FAM184A: variants seen among roughly 807,000 people sequenced by gnomAD.
FAM184A encodes protein FAM184A.
FAM184A carries 99 observed loss-of-function variants against 143.8 expected under a neutral mutation model. The ratio of observed to expected loss-of-function variants is 0.69; its 90% CI spans 0.58 to 0.81. The LOEUF (loss-of-function observed/expected upper bound fraction) is 0.81, where lower values mean the gene tolerates loss of function less well. Among genes scored for constraint, FAM184A ranks in the 40% least tolerant of loss-of-function variants. The pLI is 0.00. For missense variants in FAM184A, 1,217 were observed against 1,310.5 expected (o/e 0.93, Z 1.10); for synonymous variants, 427 against 446.4 (o/e 0.96, Z 0.55).
At chr6:119,119,541 T>C (rs1454897275) in intron 1 of FAM184A, among the ~76,000 whole-genome samples, 2 of 152,158 alleles carry the variant, frequency 1.3e-5, no homozygotes, top group South Asian at 2.1e-4. Flanking sequence ...GATAATGAGT[T>C]TGTAATAAGA....
intron 9 of FAM184A, among the ~76,000 whole-genome samples, chr6:118,990,993 A>G (rs1416391143): frequency 6.6e-6 from 1 of 152,046 alleles, no homozygotes; most frequent in African/African-American, 2.4e-5. Context: ...AACTTATTCA[A>G]CTATGTATCT....
At chr6:119,068,047 GTTTTTT>G (rs148034802) in intron 1 of FAM184A, among the ~76,000 whole-genome samples, 2 of 112,282 alleles carry the variant, frequency 1.8e-5, no homozygotes, top group Admixed American at 9.4e-5. Flanking sequence ...TTGTGTGTGG[GTTTTTT>G]TTTTTTTTTT....
intron 1 of FAM184A, among the ~76,000 whole-genome samples, chr6:119,109,594 C>A (rs1219294824): frequency 6.6e-6 from 1 of 152,136 alleles, no homozygotes; most frequent in Non-Finnish European, 1.5e-5. Context: ...TGGATGAGGA[C>A]AGGATTATCT....
intron 10 of FAM184A, 33 bp from the exon 11 acceptor site, chr6:118,979,551 G>A (rs1313308944): frequency 1.3e-6 from 2 of 1,508,162 alleles, no homozygotes; most frequent in South Asian, 1.3e-5. Context: ...TATTATGCTA[G>A]AATATAGGAA....
At chr6:119,138,162 T>C (rs562852663) in intron 1 of FAM184A, among the ~76,000 whole-genome samples, 1 of 152,210 alleles carries the variant, frequency 6.6e-6, no homozygotes, top group Non-Finnish European at 1.5e-5. Context: ...GCATGAGGAT[T>C]GGGGGAGTGC....
At chr6:119,125,905 T>C (rs1294752454) in intron 1 of FAM184A, among the ~76,000 whole-genome samples, 1 of 152,218 alleles carries the variant, frequency 6.6e-6, no homozygotes, top group Non-Finnish European at 1.5e-5. Context: ...AGTTTCAGTG[T>C]AGAGGGTCTA....
intron 7 of FAM184A, 48 bp downstream of exon 7, chr6:119,006,399 T>A: frequency 6.3e-7 from 1 of 1,579,212 alleles, no homozygotes; most frequent in Non-Finnish European, 8.6e-7. Context: ...GGCTAAATTC[T>A]ATTTTTATTT....
At chr6:119,100,253 A>G (rs531594375) in intron 1 of FAM184A, among the ~76,000 whole-genome samples, 1 of 152,284 alleles carries the variant, frequency 6.6e-6, no homozygotes, top group African/African-American at 2.4e-5. Context: ...GGAAGGAGAC[A>G]GGGAAAAGAT....
intron 1 of FAM184A, among the ~76,000 whole-genome samples, chr6:119,040,028 T>TAA (rs1786263200): frequency 6.6e-6 from 1 of 152,238 alleles, no homozygotes; most frequent in Admixed American, 6.5e-5. Flanking sequence ...GGTGAGCCTA[T>TAA]AAAAGTCCTA....
At position 119,078,319 on chromosome 6, in the gene FAM184A, C is replaced by A. The variant is rs763165513; in HGVS notation, c.-20G>T. On this transcript the variant is annotated 5_prime_UTR_variant, in exon 1 of 18. Transcript: ENST00000338891. This position sits in a 1 kb window ranked among gnomAD's most constrained non-coding sequence, Gnocchi z 5.5. ...CGCCATCTTCCCAACAGACCCCAGCCGGGGCACCTGTCCCCGCGGGTGGAG... is the reference window on the plus strand; with the variant it reads ...CGCCATCTTCCCAACAGACCCCAGCAGGGGCACCTGTCCCCGCGGGTGGAG... The A allele has an allele frequency of 5.9e-5, 84 of 1,429,634 alleles. No homozygotes were observed. Among genetic ancestry groups the A allele is most frequent in the Non-Finnish European group, 4.2e-5 (46 of 1,095,858 alleles). 88.6% of individuals were successfully genotyped at this position (1,429,634 alleles called of 1,614,324 possible).
At chr6:119,057,629 C>T (rs1787037478) in intron 1 of FAM184A, among the ~76,000 whole-genome samples, 1 of 152,232 alleles carries the variant, frequency 6.6e-6, no homozygotes, top group South Asian at 2.1e-4. Flanking sequence ...GTAGTTCCAG[C>T]TACTCGGGGG....
At position 119,118,457 on chromosome 6, in the gene FAM184A, G is replaced by T. The variant is rs1213251103; in HGVS notation, c.-202+30621C>A. Reference sequence around the variant, plus strand: ...TATTATGTTTCTCATGAGTTGTTGCGGGAAGTCAGGGACCCCAAACAGAGG... The same window carrying T: ...TATTATGTTTCTCATGAGTTGTTGCTGGAAGTCAGGGACCCCAAACAGAGG... On this transcript the variant is annotated intron_variant, in intron 1 of 16. Coordinates refer to the FAM184A transcript ENST00000352896. 2.6e-5 allele frequency among the ~76,000 whole-genome samples: 4 copies of T among 152,134 alleles called. No individual in the cohort carries two copies. The East Asian group carries it at 7.7e-4, about 29-fold the overall frequency.
chr6:119,050,602 C>T (rs890124600), intron 1 of FAM184A, among the ~76,000 whole-genome samples: 5 of 151,370 alleles, frequency 3.3e-5, no homozygotes, highest in African/African-American at 7.3e-5. Context: ...GTCAGGAGAT[C>T]GAGACCATCC....
chr6:119,123,060 G>T (rs972799814), intron 1 of FAM184A, among the ~76,000 whole-genome samples: 11 of 151,048 alleles, frequency 7.3e-5, no homozygotes. Flanking sequence ...CCATGGACTG[G>T]CCAGAACCAC....
intron 1 of FAM184A, among the ~76,000 whole-genome samples, chr6:119,088,364 A>C (rs7749394): frequency 1.3e-5 from 2 of 151,938 alleles, no homozygotes; most frequent in African/African-American, 4.8e-5. Flanking sequence ...CAATCAATAA[A>C]CATTTATTCA....
intron 11 of FAM184A, among the ~76,000 whole-genome samples, chr6:118,977,037 C>T (rs573962369): frequency 6.6e-6 from 1 of 152,266 alleles, no homozygotes; most frequent in East Asian, 1.9e-4. Flanking sequence ...CAACCGCACT[C>T]CTAGGCACTT....
In FAM184A at chr6:119,078,428, G is replaced by A. The variant is rs1415855589; in HGVS notation, c.-129C>T. The stretch of plus-strand genomic sequence containing the variant: ...CCGACACCCGGCGCCCCCCAGACTC[G>A]GCCGCAGGCGCCGTCCCACCCGCGA... On this transcript the variant is annotated 5_prime_UTR_variant, in exon 1 of 18. Coordinates refer to ENST00000338891, the MANE Select transcript of FAM184A (RefSeq NM_024581.6). The surrounding 1 kb of genome is among the most constrained non-coding windows in gnomAD (Gnocchi z 5.5). The A allele has an allele frequency of 6.2e-6, 6 of 966,264 alleles. No individual in the cohort carries two copies. The African/African-American group carries it at 8.7e-5, about 14-fold the overall frequency. 59.9% of individuals were successfully genotyped at this position (966,264 alleles called of 1,614,324 possible).
intron 1 of FAM184A, among the ~76,000 whole-genome samples, chr6:119,027,368 A>C (rs963149149): frequency 1.3e-5 from 2 of 152,102 alleles, no homozygotes; most frequent in Non-Finnish European, 2.9e-5. Flanking sequence ...ATTGACTGAG[A>C]CCTGTCTCAC....
rs572568810 is a variant in FAM184A at position 119,004,128 on chromosome 6, T to C, written c.1816-506A>G. On this transcript the variant is annotated intron_variant, in intron 7 of 17. Transcript: ENST00000338891. Reference sequence around the variant, plus strand: ...GCAAACTAGTGGTCCGTGTGTTCATTGTTATGGCAATATGCTGCAATATAT... The same window carrying C: ...GCAAACTAGTGGTCCGTGTGTTCATCGTTATGGCAATATGCTGCAATATAT... Among the ~76,000 whole-genome samples the C allele has an allele frequency of 3.3e-4, 50 of 152,360 alleles. 1 individual carries two copies. The South Asian group carries it at 4.6e-3, about 14-fold the overall frequency.
Sources: allele counts gnomAD v4.1 joint callset (sites outside exome capture counted in the v4.1 genomes callset), GRCh38; gene constraint gnomAD v4.1.1; non-coding constraint Gnocchi (gnomAD v3.1); transcripts MANE v1.5; gene names NCBI Gene and HGNC (gene_info 2026-07-23, HGNC 2026-07-21).